Variants in NCMAP observed in about 807,000 individuals in gnomAD.
NCMAP encodes the protein non-compact myelin associated protein.
NCMAP carries 8 observed loss-of-function variants against 7.8 expected under a neutral mutation model. The ratio of observed to expected loss-of-function variants is 1.02; its 90% confidence interval spans 0.60 to 1.84. The LOEUF (loss-of-function observed/expected upper bound fraction) is 1.84, where lower values mean the gene tolerates loss of function less well. Ranked by LOEUF, NCMAP falls within the 40% of genes most tolerant of loss-of-function variation. The probability of loss-of-function intolerance (pLI) is 0.00; values close to 1 mark genes in which losing one functional copy is unlikely to be tolerated. For synonymous variants in NCMAP, 41 were observed against 52.9 expected (o/e 0.78, Z 0.98); for missense variants, 112 against 131.4 (o/e 0.85, Z 0.72).
chr1:24,574,083 C>G lies in NCMAP; in HGVS notation c.-8+17914C>G, dbSNP rs528079078. ...TGGCCCTTGGACTCCAGGACCCACACAGCGGCCCCCAGGTGCTTAAGCCTT... is the reference window on the plus strand; with the variant it reads ...TGGCCCTTGGACTCCAGGACCCACAGAGCGGCCCCCAGGTGCTTAAGCCTT... On this transcript the variant is annotated intron_variant, in intron 1 of 3. Coordinates refer to ENST00000374392, the MANE Select transcript of NCMAP (RefSeq NM_001010980.5). 5.3e-4 allele frequency among the ~76,000 whole-genome samples: 79 copies of G among 150,046 alleles called. 3 individuals carry two copies. Among genetic ancestry groups the G allele is most frequent in the Middle Eastern group, 6.8e-3 (2 of 294 alleles).
intron 1 of NCMAP, among the ~76,000 whole-genome samples, chr1:24,585,766 T>G (rs982553104): frequency 6.6e-6 from 1 of 152,094 alleles, no homozygotes; most frequent in Non-Finnish European, 1.5e-5. Flanking sequence ...TTTTTTCTCT[T>G]TGGGGGAGAT....
intron 3 of NCMAP, 68 bp from the exon 4 acceptor site, chr1:24,605,538 T>C: frequency 6.4e-7 from 1 of 1,560,002 alleles, no homozygotes; most frequent in Non-Finnish European, 8.8e-7. Context: ...AGAACTGTAG[T>C]CGCAGAGCCC....
At chr1:24,569,029 T>G (rs1207196886) in intron 1 of NCMAP, among the ~76,000 whole-genome samples, 1 of 151,682 alleles carries the variant, frequency 6.6e-6, no homozygotes, top group Non-Finnish European at 1.5e-5. Context: ...TTGTTTTGTT[T>G]TTTTTTGGAG....
At chr1:24,598,158 C>T (rs926516772) in intron 2 of NCMAP, among the ~76,000 whole-genome samples, 6 of 152,308 alleles carry the variant, frequency 3.9e-5, no homozygotes, top group East Asian at 3.8e-4. Flanking sequence ...ATGGATTTCC[C>T]GCCCTCTCTG....
In NCMAP at chr1:24,605,850, A is replaced by C. The variant is rs1433624206; in HGVS notation, c.*103A>C. 2 of 1,360,258 alleles carry C rather than the reference A, an allele frequency of 1.5e-6. No homozygotes were observed. Among genetic ancestry groups the C allele is most frequent in the African/African-American group, 1.5e-5 (1 of 68,320 alleles). 84.3% of individuals were successfully genotyped at this position (1,360,258 alleles called of 1,614,324 possible). A position where few individuals can be genotyped will look rare whatever the true frequency, so the allele number is the denominator to read the frequency against. ...GCTTCACAATGAGCTTCTTCTGGTC[A>C]GGTCGACAGAGACATCTTTGACGCA... On this transcript the variant is annotated 3_prime_UTR_variant, in exon 4 of 4. Coordinates refer to ENST00000374392, the MANE Select transcript of NCMAP (RefSeq NM_001010980.5).
intron 2 of NCMAP, among the ~76,000 whole-genome samples, chr1:24,598,505 C>T (rs766410556): frequency 1.3e-5 from 2 of 152,020 alleles, no homozygotes; most frequent in Non-Finnish European, 2.9e-5. Flanking sequence ...TGCACTCCTT[C>T]GTATCTGGCT....
At chr1:24,601,090 G>A (rs1652473080) in intron 3 of NCMAP, 66 bp downstream of exon 3, 4 of 1,283,790 alleles carry the variant, frequency 3.1e-6, no homozygotes, top group Admixed American at 1.7e-5. Context: ...ATAAATGGGA[G>A]GTGATATATG....
rs138726538 is a variant in NCMAP, at chr1:24,566,056, C to T, written c.-8+9887C>T. 7.7e-3 allele frequency among the ~76,000 whole-genome samples: 1,176 copies of T among 152,262 alleles called. 21 individuals carry two copies. Among genetic ancestry groups the T allele is most frequent in the African/African-American group, 0.026 (1,099 of 41,540 alleles). On this transcript the variant is annotated intron_variant, in intron 1 of 3. Coordinates refer to ENST00000374392, the MANE Select transcript of NCMAP (RefSeq NM_001010980.5). ...AGAAGTTACCTTGGTTCCCCTTCTC[C>T]TTCCTCCATGACTGTAAGTTTCCTG... is the stretch of plus-strand genomic sequence containing the variant.
At position 24,607,560 on chromosome 1, in the gene NCMAP, T is replaced by C. The variant is rs1394685749; in HGVS notation, c.*1813T>C. ...CTCAAATTTTAGGAGTCTCTCCCTC[T>C]TGGGGTCAGAAATCCCTTCTGAGGC... On this transcript the variant is annotated 3_prime_UTR_variant, in exon 4 of 4. Coordinates refer to ENST00000374392, the MANE Select transcript of NCMAP (RefSeq NM_001010980.5). The C allele has an allele frequency of 1.3e-5, 2 of 152,186 alleles. No homozygotes were observed. Among genetic ancestry groups the C allele is most frequent in the African/African-American group, 2.4e-5 (1 of 41,436 alleles). The allele number at this position is 152,186 out of a possible 1,614,324, so 9.4% of individuals were successfully genotyped here.
chr1:24,580,343 C>T (rs764855532), intron 1 of NCMAP, among the ~76,000 whole-genome samples: 32 of 152,072 alleles, frequency 2.1e-4, no homozygotes, highest in Admixed American at 1.6e-3. Flanking sequence ...CCTCTGCAGA[C>T]GGGGGCAGAA....
intron 1 of NCMAP, among the ~76,000 whole-genome samples, chr1:24,577,417 T>TG (rs1651613841): frequency 6.8e-6 from 1 of 146,462 alleles, no homozygotes; most frequent in Non-Finnish European, 1.5e-5. Context: ...TTTTTTTTTT[T>TG]TTTTTTTTTT....
intron 1 of NCMAP, among the ~76,000 whole-genome samples, chr1:24,574,794 C>CTTTT (rs772381377): frequency 7.6e-6 from 1 of 131,834 alleles, no homozygotes; most frequent in Non-Finnish European, 1.6e-5. Flanking sequence ...GCCCGCAATA[C>CTTTT]TTTTTTTTTT....
chr1:24,564,597 G>A (rs1422284510), intron 1 of NCMAP, among the ~76,000 whole-genome samples: 1 of 145,622 alleles, frequency 6.9e-6, no homozygotes, highest in Non-Finnish European at 1.5e-5. Flanking sequence ...AAAAATAAAA[G>A]TGGAGATGAG....
At chr1:24,570,958 G>A (rs143194468) in intron 1 of NCMAP, among the ~76,000 whole-genome samples, 4 of 150,780 alleles carry the variant, frequency 2.7e-5, no homozygotes, top group African/African-American at 5.0e-5. Flanking sequence ...CCTTCTGGGC[G>A]CCTCTGCTAT....
At chr1:24,572,489 C>T (rs553396518) in intron 1 of NCMAP, among the ~76,000 whole-genome samples, 4 of 150,554 alleles carry the variant, frequency 2.7e-5, no homozygotes, top group African/African-American at 7.5e-5. Context: ...TGGTTCTGGG[C>T]AGCTCAGAGA....
chr1:24,556,630 C>T (rs930730144), intron 1 of NCMAP, among the ~76,000 whole-genome samples: 9 of 152,276 alleles, frequency 5.9e-5, no homozygotes, highest in Admixed American at 3.9e-4. Context: ...GATGAAAACC[C>T]ACGGCAGAGA....
At chr1:24,567,918 C>G (rs1159315474) in intron 1 of NCMAP, among the ~76,000 whole-genome samples, 1 of 152,024 alleles carries the variant, frequency 6.6e-6, no homozygotes, top group Non-Finnish European at 1.5e-5. Context: ...GCATTGAACA[C>G]CAGGTGGGGT....
At chr1:24,565,252 C>G (rs900256030) in intron 1 of NCMAP, among the ~76,000 whole-genome samples, 4 of 151,514 alleles carry the variant, frequency 2.6e-5, no homozygotes, top group Admixed American at 6.6e-5. Context: ...GTGGAGGAAT[C>G]TCAAGGCTGC....
intron 1 of NCMAP, among the ~76,000 whole-genome samples, chr1:24,594,802 A>G (rs1489061016): frequency 6.6e-6 from 1 of 152,186 alleles, no homozygotes; most frequent in Non-Finnish European, 1.5e-5. Context: ...AGGTGGGAAG[A>G]TCACCTGAGC....
Sources: allele counts gnomAD v4.1 joint callset (sites outside exome capture counted in the v4.1 genomes callset), GRCh38; gene constraint gnomAD v4.1.1; transcripts MANE v1.5; gene names NCBI Gene and HGNC (gene_info 2026-07-23, HGNC 2026-07-21).